The following LRP1B variants were observed in gnomAD, a reference collection of about 807,000 sequenced individuals.
LRP1B encodes the protein low-density lipoprotein receptor-related protein 1B.
A neutral mutation model predicts 556.6 loss-of-function variants in LRP1B; 217 were observed. The ratio of observed to expected loss-of-function variants is 0.39; its 90% CI spans 0.35 to 0.44. The LOEUF is 0.44. Among genes scored for constraint, LRP1B ranks in the 20% least tolerant of loss-of-function variants. The probability of loss-of-function intolerance (pLI) is 1.00; values close to 1 mark genes in which losing one functional copy is unlikely to be tolerated. For missense variants in LRP1B, 5,053 were observed against 5,620.8 expected (o/e 0.90, Z 3.23); for synonymous variants, 2,047 against 1,865.8 (o/e 1.10, Z -2.50).
At chr2:140,370,583 A>G in intron 71 of LRP1B, 127 bp downstream of exon 71, 1 of 1,299,306 alleles carries the variant, frequency 7.7e-7, no homozygotes, top group Non-Finnish European at 1.0e-6. Context: ...ATGTAATGAA[A>G]CTTGGAAGAG....
At chr2:140,355,065 G>A (rs549537194) in intron 75 of LRP1B, among the ~76,000 whole-genome samples, 29 of 151,264 alleles carry the variant, frequency 1.9e-4, no homozygotes, top group East Asian at 9.7e-4. Context: ...GAAGTTACTC[G>A]TCTGTCCTAC....
chr2:141,774,569 C>A (rs1694999922), intron 2 of LRP1B, among the ~76,000 whole-genome samples: 1 of 152,106 alleles, frequency 6.6e-6, no homozygotes, highest in African/African-American at 2.4e-5. Flanking sequence ...TGAAGGAAAC[C>A]AATATGCAAA....
At chr2:141,387,708 G>A (rs908637996) in intron 3 of LRP1B, among the ~76,000 whole-genome samples, 2 of 152,042 alleles carry the variant, frequency 1.3e-5, no homozygotes, top group Non-Finnish European at 2.9e-5. Context: ...AGAACAGAGG[G>A]CTTCACTGGT....
chr2:141,729,977 TA>T (rs1397852689), intron 2 of LRP1B, among the ~76,000 whole-genome samples: 1 of 152,158 alleles, frequency 6.6e-6, no homozygotes, highest in Non-Finnish European at 1.5e-5. Flanking sequence ...GAGTGTGCAT[TA>T]AATCAAAGCA....
chr2:142,130,814 T>G lies in LRP1B; in HGVS notation c.-85A>C. The G allele has an allele frequency of 9.6e-7, 1 of 1,039,214 alleles. No individual in the cohort carries two copies. Among genetic ancestry groups the G allele is most frequent in the Non-Finnish European group, 1.5e-6 (1 of 678,432 alleles). The allele number at this position is 1,039,214 out of a possible 1,614,324, so 64.4% of individuals were successfully genotyped here. A position where few individuals can be genotyped will look rare whatever the true frequency, so the allele number is the denominator to read the frequency against. On this transcript the variant is annotated 5_prime_UTR_variant, in exon 1 of 91. Transcript: ENST00000389484. ...CGGCGGCGGCGGCGGCAGGGGCCGC[T>G]TGGAGCCTGGAATCGAGCGGCGTCA... is the stretch of plus-strand genomic sequence containing the variant.
At chr2:140,772,273 T>G (rs112706568) in intron 33 of LRP1B, among the ~76,000 whole-genome samples, 7,270 of 150,870 alleles carry the variant, frequency 0.048, 250 homozygotes, top group Admixed American at 0.11. Context: ...ATGAAACAAT[T>G]ATATTTATAG....
At chr2:141,259,949 A>T (rs1684624619) in intron 3 of LRP1B, among the ~76,000 whole-genome samples, 1 of 152,260 alleles carries the variant, frequency 6.6e-6, no homozygotes, top group African/African-American at 2.4e-5. Flanking sequence ...AGTATAACAG[A>T]ATTTCTATTG....
At chr2:141,567,215 C>G (rs1434916464) in intron 2 of LRP1B, among the ~76,000 whole-genome samples, 1 of 152,026 alleles carries the variant, frequency 6.6e-6, no homozygotes, top group African/African-American at 2.4e-5. Flanking sequence ...ACTTATAAGA[C>G]CATGTTTCTA....
chr2:141,753,733 G>A (rs1249952694), intron 2 of LRP1B, among the ~76,000 whole-genome samples: 1 of 151,794 alleles, frequency 6.6e-6, no homozygotes, highest in Non-Finnish European at 1.5e-5. Context: ...CACTGCATAG[G>A]ATACTTTCTC....
intron 13 of LRP1B, among the ~76,000 whole-genome samples, chr2:141,014,577 G>A (rs941635989): frequency 6.6e-6 from 1 of 151,986 alleles, no homozygotes; most frequent in African/African-American, 2.4e-5. Context: ...TTAGAGAATT[G>A]AGAAAATTAT....
chr2:140,493,438 C>A (rs1688787432), intron 56 of LRP1B, among the ~76,000 whole-genome samples: 1 of 152,072 alleles, frequency 6.6e-6, no homozygotes, highest in South Asian at 2.1e-4. Context: ...AAAACGATTT[C>A]TTGAAGGAGA....
intron 2 of LRP1B, among the ~76,000 whole-genome samples, chr2:141,644,228 G>A (rs925518039): frequency 1.3e-5 from 2 of 152,022 alleles, no homozygotes; most frequent in Non-Finnish European, 2.9e-5. Context: ...CATGTGTCAT[G>A]GGAGGAACCC....
intron 72 of LRP1B, among the ~76,000 whole-genome samples, chr2:140,363,359 T>G: frequency 6.6e-6 from 1 of 151,598 alleles, no homozygotes; most frequent in Non-Finnish European, 1.5e-5. Flanking sequence ...AATCAGTTCA[T>G]GGCCCTGGAA....
chr2:140,701,732 A>G lies in LRP1B; in HGVS notation c.6416T>C (p.Val2139Ala). 1 of 1,612,566 alleles carries G rather than the reference A, an allele frequency of 6.2e-7. No individual in the cohort carries two copies. The highest frequency in any genetic ancestry group is 1.1e-5 in the South Asian group (1 of 91,036). ...TCAAGAGTGCTGACCTTTCTCTCTT[A>G]CTCGGTTAAATATTTTAACCTCCTT... ...NLKEVKIFNR[V>A]REKGTNVCAR... The change falls in exon 40 of 91, where the codon GTA (valine) becomes GCA (alanine). Residue 2139 changes from valine (V) to alanine (A), a missense_variant. Val to Ala is a moderately conservative substitution (Grantham distance 64). Transcript: ENST00000389484.
chr2:140,607,810 G>C (rs1682926013), intron 41 of LRP1B, among the ~76,000 whole-genome samples: 1 of 151,942 alleles, frequency 6.6e-6, no homozygotes, highest in Admixed American at 6.6e-5. Flanking sequence ...AATTTCCCTT[G>C]AGACTACCTT....
intron 1 of LRP1B, among the ~76,000 whole-genome samples, chr2:141,862,676 G>A (rs1698286298): frequency 6.6e-6 from 1 of 152,100 alleles, no homozygotes; most frequent in African/African-American, 2.4e-5. Flanking sequence ...CAAAGTGCTG[G>A]GATTACAGGC....
At chr2:141,976,506 G>A (rs528623335) in intron 1 of LRP1B, among the ~76,000 whole-genome samples, 2 of 151,980 alleles carry the variant, frequency 1.3e-5, no homozygotes, top group Admixed American at 6.6e-5. Flanking sequence ...CTGCTTTAGT[G>A]GGGGGTCACA....
chr2:141,884,796 C>T (rs774053960), intron 1 of LRP1B, among the ~76,000 whole-genome samples: 71 of 152,270 alleles, frequency 4.7e-4, no homozygotes, highest in Admixed American at 1.3e-3. Context: ...CTGTTTGCAG[C>T]CTCATGCTGC....
chr2:141,752,716 T>C (rs1467188321), intron 2 of LRP1B, among the ~76,000 whole-genome samples: 1 of 150,910 alleles, frequency 6.6e-6, no homozygotes, highest in Non-Finnish European at 1.5e-5. Context: ...GCGAGGTGGG[T>C]CAGCCATCAG....
Sources: allele counts gnomAD v4.1 joint callset (sites outside exome capture counted in the v4.1 genomes callset), GRCh38; gene constraint gnomAD v4.1.1; transcripts MANE v1.5; gene names NCBI Gene and HGNC (gene_info 2026-07-23, HGNC 2026-07-21).